CTNNA3: variants seen among roughly 807,000 people sequenced by gnomAD.
CTNNA3 encodes the protein catenin alpha 3.
A neutral mutation model predicts 95.7 loss-of-function variants in CTNNA3; 76 were observed. The observed-to-expected ratio is 0.79, with a 90% CI of 0.66 to 0.96. The LOEUF (loss-of-function observed/expected upper bound fraction) is 0.96. Ranked by LOEUF, CTNNA3 falls within the 40% of genes least tolerant of loss-of-function variation. The probability of loss-of-function intolerance (pLI) is 0.00; values close to 1 mark genes in which losing one functional copy is unlikely to be tolerated. For missense variants in CTNNA3, 1,191 were observed against 1,089.8 expected, an observed-to-expected ratio of 1.09 and a Z score of -1.31; for synonymous variants, 431 against 374.4, an observed-to-expected ratio of 1.15 and a Z score of -1.74.
intron 7 of CTNNA3, among the ~76,000 whole-genome samples, chr10:66,820,519 T>C (rs905393241): frequency 6.6e-6 from 1 of 151,932 alleles, no homozygotes; most frequent in Non-Finnish European, 1.5e-5. Context: ...GACAAGCATG[T>C]ACACATACAC....
At chr10:66,783,256 T>C (rs1840610833) in intron 7 of CTNNA3, among the ~76,000 whole-genome samples, 1 of 152,182 alleles carries the variant, frequency 6.6e-6, no homozygotes, top group Non-Finnish European at 1.5e-5. Flanking sequence ...TTTCTGAAGA[T>C]GTTACTCACA....
intron 2 of CTNNA3, among the ~76,000 whole-genome samples, chr10:67,614,715 G>C (rs554109094): frequency 6.6e-6 from 1 of 152,258 alleles, no homozygotes; most frequent in African/African-American, 2.4e-5. Flanking sequence ...TGCACCAGTT[G>C]GGGTACTCAA....
intron 7 of CTNNA3, among the ~76,000 whole-genome samples, chr10:67,005,264 C>T (rs1385412111): frequency 6.6e-6 from 1 of 152,008 alleles, no homozygotes; most frequent in African/African-American, 2.4e-5. Context: ...AAAACTCTGC[C>T]CCTTACTAAT....
In CTNNA3 at chr10:66,933,456, A is replaced by G. The variant is rs538219777; in HGVS notation, c.1048-157932T>C. On this transcript the variant is annotated intron_variant, in intron 7 of 17. Coordinates refer to ENST00000433211, the MANE Select transcript of CTNNA3 (RefSeq NM_013266.4). ...ACGTTTACCTGTCCACTCCCTTTCTAGTATCATTGTGTTCAATCCTTGTTG... is the reference window on the plus strand; with the variant it reads ...ACGTTTACCTGTCCACTCCCTTTCTGGTATCATTGTGTTCAATCCTTGTTG... 2.6e-4 allele frequency among the ~76,000 whole-genome samples: 40 copies of G among 152,336 alleles called. 2 individuals carry two copies. In the South Asian group the frequency reaches 7.2e-3, roughly 28 times the overall value.
intron 15 of CTNNA3, among the ~76,000 whole-genome samples, chr10:66,010,669 A>T (rs1006597415): frequency 1.3e-5 from 2 of 152,186 alleles, no homozygotes; most frequent in African/African-American, 4.8e-5. Flanking sequence ...AGGATCACTG[A>T]ATTGAGATGT....
At chr10:66,074,368 A>G (rs2080505227) in intron 14 of CTNNA3, among the ~76,000 whole-genome samples, 2 of 151,872 alleles carry the variant, frequency 1.3e-5, no homozygotes, top group African/African-American at 4.8e-5. Context: ...TCTCTTGAGT[A>G]TGTATCTAGG....
chr10:66,007,525 G>C (rs12254572), intron 15 of CTNNA3, among the ~76,000 whole-genome samples: 25,231 of 152,070 alleles, frequency 0.17, 2,498 homozygotes, highest in East Asian at 0.49. Flanking sequence ...ATCATGTGCA[G>C]CTGTGAGTGA....
At chr10:67,080,494 A>G (rs992339125) in intron 7 of CTNNA3, among the ~76,000 whole-genome samples, 3 of 151,764 alleles carry the variant, frequency 2.0e-5, no homozygotes, top group Admixed American at 2.0e-4. Context: ...CTGACATGAG[A>G]TTTTTTTTTC....
intron 12 of CTNNA3, among the ~76,000 whole-genome samples, chr10:66,369,909 C>A (rs1030592562): frequency 1.3e-5 from 2 of 151,924 alleles, no homozygotes; most frequent in Admixed American, 6.6e-5. Context: ...TTGTAACCAC[C>A]CCCACCCAAC....
intron 11 of CTNNA3, among the ~76,000 whole-genome samples, chr10:66,487,761 C>G (rs1390974230): frequency 2.6e-5 from 4 of 152,116 alleles, no homozygotes; most frequent in Non-Finnish European, 1.5e-5. Context: ...TTAAACAACA[C>G]AAACTATTCT....
intron 7 of CTNNA3, among the ~76,000 whole-genome samples, chr10:67,169,058 T>C (rs1251849896): frequency 6.6e-6 from 1 of 152,010 alleles, no homozygotes; most frequent in Non-Finnish European, 1.5e-5. Context: ...AAGACTAAAA[T>C]GCTTATGAAC....
chr10:66,025,534 G>A (rs2079316156), intron 15 of CTNNA3, among the ~76,000 whole-genome samples: 1 of 152,128 alleles, frequency 6.6e-6, no homozygotes, highest in Non-Finnish European at 1.5e-5. Context: ...AGATAAATGT[G>A]TTTTACATCA....
At position 66,059,017 on chromosome 10, in the gene CTNNA3, T is replaced by G. The variant is rs74140937; in HGVS notation, c.2159+10291A>C. ...AGGGGCACCTGAATAACCTTGTGAT[T>G]GACCACATTTGTCCCCAGAAGGTTG... On this transcript the variant is annotated intron_variant, in intron 15 of 17. Transcript: ENST00000433211. Among the ~76,000 whole-genome samples, 658 of 152,294 alleles carry G rather than the reference T, an allele frequency of 4.3e-3. 7 individuals carry two copies. The highest frequency in any genetic ancestry group is 0.015 in the African/African-American group (616 of 41,554).
intron 10 of CTNNA3, among the ~76,000 whole-genome samples, chr10:66,591,708 G>A (rs1244546934): frequency 3.3e-5 from 5 of 151,878 alleles, no homozygotes; most frequent in Admixed American, 2.0e-4. Flanking sequence ...TCTTTATCCT[G>A]TCAGCAATGA....
chr10:67,644,727 G>A (rs1010831543), intron 2 of CTNNA3, among the ~76,000 whole-genome samples: 1 of 151,792 alleles, frequency 6.6e-6, no homozygotes, highest in African/African-American at 2.4e-5. Context: ...TGCTTTATAA[G>A]ATAGTTATTG....
At chr10:67,547,050 A>G (rs991835778) in intron 3 of CTNNA3, among the ~76,000 whole-genome samples, 1 of 152,198 alleles carries the variant, frequency 6.6e-6, no homozygotes, top group Non-Finnish European at 1.5e-5. Flanking sequence ...GCAAAGCACT[A>G]TGGGGTATAC....
intron 5 of CTNNA3, among the ~76,000 whole-genome samples, chr10:67,443,053 T>A (rs751336587): frequency 6.7e-6 from 1 of 149,910 alleles, no homozygotes; most frequent in Non-Finnish European, 1.5e-5. Flanking sequence ...GTGTTTGGTT[T>A]TTCATCCTTG....
chr10:67,263,549 C>G (rs1904611), intron 5 of CTNNA3, among the ~76,000 whole-genome samples: 1 of 151,914 alleles, frequency 6.6e-6, no homozygotes, highest in African/African-American at 2.4e-5. Context: ...CAACTCATCC[C>G]TCAAGAAAGG....
intron 15 of CTNNA3, among the ~76,000 whole-genome samples, chr10:66,059,612 T>G (rs2080155299): frequency 6.6e-6 from 1 of 152,094 alleles, no homozygotes. Flanking sequence ...CCTCAATTCT[T>G]CTTCCATGCT....
Sources: allele counts gnomAD v4.1 joint callset (sites outside exome capture counted in the v4.1 genomes callset), GRCh38; gene constraint gnomAD v4.1.1; transcripts MANE v1.5; gene names NCBI Gene and HGNC (gene_info 2026-07-23, HGNC 2026-07-21).